The following PTPRM variants were observed in gnomAD, a reference collection of about 807,000 sequenced individuals.
PTPRM encodes the protein protein tyrosine phosphatase receptor type M.
Under a neutral mutation model 186.7 loss-of-function variants are expected in PTPRM, and 47 were observed. The ratio of observed to expected loss-of-function variants is 0.25; its 90% CI spans 0.20 to 0.32. PTPRM has a LOEUF of 0.32. Ranked by LOEUF, PTPRM falls within the 10% of genes least tolerant of loss-of-function variation. The pLI, the probability that PTPRM is intolerant of heterozygous loss-of-function variation, is 1.00. For synonymous variants in PTPRM, 668 were observed against 674.9 expected, an observed-to-expected ratio of 0.99 and a Z score of 0.16; for missense variants, 1,494 against 1,865.0, an observed-to-expected ratio of 0.80 and a Z score of 3.66.
chr18:8,293,474 G>A (rs1214419769), intron 19 of PTPRM, among the ~76,000 whole-genome samples: 1 of 152,148 alleles, frequency 6.6e-6, no homozygotes, highest in Non-Finnish European at 1.5e-5. Context: ...AGTTGAGGCT[G>A]TGGATTTACT....
chr18:8,164,430 A>C (rs1039595960), intron 14 of PTPRM, among the ~76,000 whole-genome samples: 1 of 152,248 alleles, frequency 6.6e-6, no homozygotes, highest in Non-Finnish European at 1.5e-5. Context: ...ATGATAGCTG[A>C]AAGTTAGAAG....
At chr18:7,680,230 T>G (rs550599953) in intron 1 of PTPRM, among the ~76,000 whole-genome samples, 43 of 152,186 alleles carry the variant, frequency 2.8e-4, no homozygotes, top group Non-Finnish European at 5.9e-4. Context: ...TGCTAAATAT[T>G]TCAAATGTGA....
chr18:7,764,230 A>T, intron 1 of PTPRM, among the ~76,000 whole-genome samples: 1 of 152,218 alleles, frequency 6.6e-6, no homozygotes, highest in Non-Finnish European at 1.5e-5. Flanking sequence ...GGAATACAGT[A>T]CAACTCATTG....
intron 23 of PTPRM, among the ~76,000 whole-genome samples, chr18:8,365,349 G>A (rs2095622064): frequency 6.6e-6 from 1 of 152,182 alleles, no homozygotes; most frequent in Non-Finnish European, 1.5e-5. Flanking sequence ...GACCAGCCTG[G>A]CCCTTGCTAG....
At chr18:7,733,415 TC>T (rs1255826847) in intron 1 of PTPRM, among the ~76,000 whole-genome samples, 1 of 152,208 alleles carries the variant, frequency 6.6e-6, no homozygotes, top group Non-Finnish European at 1.5e-5. Flanking sequence ...GGACATGATC[TC>T]ATTCTTTTTT....
chr18:8,359,899 C>T (rs1456561966), intron 23 of PTPRM, among the ~76,000 whole-genome samples: 1 of 152,228 alleles, frequency 6.6e-6, no homozygotes, highest in African/African-American at 2.4e-5. Context: ...TATTCTTGAA[C>T]AATTTGCTGA....
intron 1 of PTPRM, among the ~76,000 whole-genome samples, chr18:7,735,343 C>G (rs1043609671): frequency 1.2e-4 from 18 of 152,258 alleles, no homozygotes; most frequent in African/African-American, 4.1e-4. Flanking sequence ...CAGCTTGAAC[C>G]TGGAAGGTAG....
At chr18:7,934,473 C>T (rs1169792331) in intron 5 of PTPRM, among the ~76,000 whole-genome samples, 1 of 152,120 alleles carries the variant, frequency 6.6e-6, no homozygotes, top group Non-Finnish European at 1.5e-5. Flanking sequence ...AAGAGGGAAA[C>T]CTTGAGATTT....
chr18:7,912,747 G>A (rs936349524), intron 4 of PTPRM, among the ~76,000 whole-genome samples: 16 of 151,206 alleles, frequency 1.1e-4, no homozygotes, highest in African/African-American at 2.4e-4. Flanking sequence ...TCTCGATCTC[G>A]TGACCTCGTG....
rs887246693 is a variant in PTPRM at position 8,247,748 on chromosome 18, G to A, written c.2453-97G>A. Reference sequence around the variant, plus strand: ...CATCAGTGAGTCCCGGAGTCACCGTGGGTAGCATGGAGTCACCATGGGTGG... The same window carrying A: ...CATCAGTGAGTCCCGGAGTCACCGTAGGTAGCATGGAGTCACCATGGGTGG... On this transcript the variant is annotated intron_variant, in intron 15 of 32. Transcript: ENST00000580170. 9.9e-5 allele frequency: 83 copies of A among 834,562 alleles called. 1 individual carries two copies. The East Asian group carries it at 2.0e-3, about 20-fold the overall frequency. The allele number at this position is 834,562 out of a possible 1,614,324, so 51.7% of individuals were successfully genotyped here.
At chr18:7,759,709 A>AT (rs1206218705) in intron 1 of PTPRM, among the ~76,000 whole-genome samples, 4 of 152,220 alleles carry the variant, frequency 2.6e-5, no homozygotes, top group East Asian at 1.9e-4. Context: ...CTAAATAAAT[A>AT]TTTTTTTGGA....
chr18:7,852,712 T>A (rs776232868), intron 2 of PTPRM, among the ~76,000 whole-genome samples: 11 of 151,566 alleles, frequency 7.3e-5, no homozygotes, highest in Non-Finnish European at 1.6e-4. Context: ...AAGAAACAAC[T>A]GTGGATGGTG....
chr18:7,789,076 T>C lies in PTPRM; in HGVS notation c.196+14805T>C, dbSNP rs148113461. Among the ~76,000 whole-genome samples, 1,162 of 152,260 alleles carry C rather than the reference T, an allele frequency of 7.6e-3. 17 individuals carry two copies. The highest frequency in any genetic ancestry group is 0.026 in the African/African-American group (1,065 of 41,554). ...GTGGCTCACACCTGTAATCCCAGCA[T>C]TTTGGAAAGCCAAGGCAGGAGGATT... On this transcript the variant is annotated intron_variant, in intron 2 of 32. Coordinates refer to ENST00000580170, the MANE Select transcript of PTPRM (RefSeq NM_001105244.2).
chr18:7,653,122 TTA>T (rs2038759755), intron 1 of PTPRM, among the ~76,000 whole-genome samples: 1 of 53,302 alleles, frequency 1.9e-5, no homozygotes, highest in African/African-American at 2.5e-4. Context: ...ATGTACTTTA[TTA>T]TTATTATTAT....
At chr18:8,042,718 C>A (rs1351024361) in intron 7 of PTPRM, among the ~76,000 whole-genome samples, 2 of 152,182 alleles carry the variant, frequency 1.3e-5, no homozygotes, top group Non-Finnish European at 2.9e-5. Context: ...TCAGCCTAGG[C>A]TCTTGTCCCA....
chr18:8,170,699 G>A (rs958092781), intron 14 of PTPRM, among the ~76,000 whole-genome samples: 4 of 152,172 alleles, frequency 2.6e-5, no homozygotes, highest in African/African-American at 9.7e-5. Context: ...TGAAGAATCA[G>A]TCTCTGAGCC....
rs761809071 is a variant in PTPRM, at chr18:8,069,842, GAGA to G, written c.1295_1297del (p.Glu432del). On this transcript the variant is annotated inframe_deletion, in exon 8 of 33. Coordinates refer to ENST00000580170, the MANE Select transcript of PTPRM (RefSeq NM_001105244.2). Reference sequence around the variant, plus strand: ...CAAGTTGGAGGACAAGAACAAGTGCGAGAAGAAGTAAGCTGGGATACAGAAAAC... The same window carrying G: ...CAAGTTGGAGGACAAGAACAAGTGCGAGAAGTAAGCTGGGATACAGAAAAC... 1.2e-6 allele frequency: 2 copies of G among 1,613,960 alleles called. No individual in the cohort carries two copies. The highest frequency in any genetic ancestry group is 1.7e-6 in the Non-Finnish European group (2 of 1,179,934).
At chr18:8,307,297 T>C (rs1368298668) in intron 20 of PTPRM, among the ~76,000 whole-genome samples, 1 of 152,200 alleles carries the variant, frequency 6.6e-6, no homozygotes, top group African/African-American at 2.4e-5. Context: ...AGTGCAATCA[T>C]GTGATGATCA....
intron 22 of PTPRM, among the ~76,000 whole-genome samples, chr18:8,330,395 G>A (rs566852124): frequency 6.6e-6 from 1 of 152,290 alleles, no homozygotes; most frequent in East Asian, 1.9e-4. Flanking sequence ...TCTGCACTGA[G>A]CTATGTCTAG....
Sources: gnomAD v4.1 joint callset for allele counts (sites outside exome capture counted in the v4.1 genomes callset) on GRCh38, gnomAD v4.1.1 for gene constraint, MANE v1.5 for transcripts, NCBI Gene and HGNC (gene_info 2026-07-23, HGNC 2026-07-21) for gene names.